The following SPNS3 variants were observed in gnomAD, a reference collection of about 807,000 sequenced individuals.
SPNS3 encodes protein spinster homolog 3.
A neutral mutation model predicts 54.4 loss-of-function variants in SPNS3; 51 were observed. The ratio of observed to expected loss-of-function variants is 0.94; its 90% CI spans 0.75 to 1.18. The LOEUF (loss-of-function observed/expected upper bound fraction) is 1.18, where lower values mean the gene tolerates loss of function less well. SPNS3 is among the 50% of genes most tolerant of loss of function. The pLI is 0.00. For missense variants in SPNS3, 669 were observed against 677.4 expected (o/e 0.99, Z 0.14); for synonymous variants, 309 against 294.7 (o/e 1.05, Z -0.50).
At chr17:4,458,603 TTC>T (rs767242965) in intron 8 of SPNS3, among the ~76,000 whole-genome samples, 23 of 101,390 alleles carry the variant, frequency 2.3e-4, no homozygotes, top group Admixed American at 9.5e-4. Flanking sequence ...CTTTCTTTCT[TTC>T]TTTCTTTCTT....
chr17:4,442,928 T>C (rs1284881510), intron 2 of SPNS3, among the ~76,000 whole-genome samples: 2 of 152,162 alleles, frequency 1.3e-5, no homozygotes, highest in Admixed American at 6.6e-5. Context: ...ACCTTGGGAA[T>C]GAGGAGTGTC....
chr17:4,463,790 A>T (rs181280359), intron 8 of SPNS3, among the ~76,000 whole-genome samples: 47 of 151,880 alleles, frequency 3.1e-4, no homozygotes, highest in African/African-American at 5.1e-4. Context: ...TTTAGCATGA[A>T]CATGCTAAAT....
Position 4,477,970 on chromosome 17 carries a change from CTT to C in SPNS3, c.1114-584_1114-583del, listed in dbSNP as rs397837193. ...AAAGTCTGTTTTTTTTTCACTTTTC[CTT>C]TTTTTTTTTTTTTTTTTGAGGCGGA... On this transcript the variant is annotated intron_variant, in intron 8 of 11. Transcript: ENST00000355530. 9.4e-4 allele frequency among the ~76,000 whole-genome samples: 92 copies of C among 97,596 alleles called. 1 individual carries two copies. The South Asian group carries it at 9.8e-3, about 10-fold the overall frequency. The allele number at this position is 97,596 out of a possible 152,430, so 64.0% of individuals were successfully genotyped here. A position where few individuals can be genotyped will look rare whatever the true frequency, so the allele number is the denominator to read the frequency against.
intron 1 of SPNS3, among the ~76,000 whole-genome samples, chr17:4,434,381 T>C (rs1372586314): frequency 1.3e-5 from 2 of 152,204 alleles, no homozygotes; most frequent in Admixed American, 6.5e-5. Context: ...GGACACAGGC[T>C]GGGCATGGTG....
intron 8 of SPNS3, among the ~76,000 whole-genome samples, chr17:4,459,882 T>C (rs1971449380): frequency 6.6e-6 from 1 of 152,094 alleles, no homozygotes; most frequent in Non-Finnish European, 1.5e-5. Flanking sequence ...CAGATAATAA[T>C]AAAGGCTTAG....
At chr17:4,447,370 C>G (rs1994980) in intron 5 of SPNS3, among the ~76,000 whole-genome samples, 132,594 of 152,300 alleles carry the variant, frequency 0.87, 59,036 homozygotes, top group African/African-American at 0.94. Flanking sequence ...CTCAGCAGTT[C>G]AGCAGAATGC....
At chr17:4,456,499 G>A (rs1490877448) in intron 8 of SPNS3, among the ~76,000 whole-genome samples, 1 of 152,048 alleles carries the variant, frequency 6.6e-6, no homozygotes, top group Admixed American at 6.6e-5. Flanking sequence ...ACACTTTTGT[G>A]GGGAAGGTTT....
intron 8 of SPNS3, among the ~76,000 whole-genome samples, chr17:4,455,901 C>T (rs1182587554): frequency 8.6e-6 from 1 of 115,926 alleles, no homozygotes; most frequent in Non-Finnish European, 2.0e-5. Context: ...TCCTTCCTGG[C>T]AAGCACTGCC....
chr17:4,485,678 G>C (rs1178364169), intron 9 of SPNS3, among the ~76,000 whole-genome samples: 2 of 152,146 alleles, frequency 1.3e-5, no homozygotes, highest in Non-Finnish European at 2.9e-5. Context: ...TTACAGACGT[G>C]AGCCACCGCG....
chr17:4,435,897 A>G (rs1316551945), intron 1 of SPNS3, among the ~76,000 whole-genome samples: 2 of 152,112 alleles, frequency 1.3e-5, no homozygotes, highest in East Asian at 1.9e-4. Flanking sequence ...GTGCCACTGC[A>G]CTCCAGCCTG....
rs976845835 is a variant in SPNS3, at chr17:4,486,849, G to A, written c.1450+266G>A. Among the ~76,000 whole-genome samples the A allele has an allele frequency of 2.6e-5, 4 of 152,090 alleles. No individual in the cohort carries two copies. Among genetic ancestry groups the A allele is most frequent in the African/African-American group, 4.8e-5 (2 of 41,396 alleles). On this transcript the variant is annotated intron_variant, in intron 11 of 11. Transcript: ENST00000355530. This position sits in a 1 kb window ranked among gnomAD's most constrained non-coding sequence, Gnocchi z 5.5. ...AAAGATATAGCATGTTCAGGGTGAC[G>A]AGTGCTATGGAGAGGTATAAAGCAG...
At chr17:4,468,762 T>TTTCTTTCTTTCC (rs57204066) in intron 8 of SPNS3, among the ~76,000 whole-genome samples, 1 of 121,560 alleles carries the variant, frequency 8.2e-6, no homozygotes, top group Non-Finnish European at 1.8e-5. Flanking sequence ...TCTTTCTTTC[T>TTTCTTTCTTTCC]CTCTTTCTTT....
intron 7 of SPNS3, 106 bp downstream of exon 7, chr17:4,449,493 T>C: frequency 7.5e-7 from 1 of 1,334,856 alleles, no homozygotes; most frequent in Non-Finnish European, 9.9e-7. Context: ...GGTGGGGCAT[T>C]TGGTGCTGTG....
At chr17:4,474,787 T>A (rs7214170) in intron 8 of SPNS3, among the ~76,000 whole-genome samples, 91,321 of 151,972 alleles carry the variant, frequency 0.6, 27,590 homozygotes, top group South Asian at 0.67. Context: ...CCAGGCTGTT[T>A]TTCGGCAAGT....
intron 2 of SPNS3, among the ~76,000 whole-genome samples, chr17:4,442,018 T>TGTGTGTGTGTGTGTGTGTGTGTGTGTGTG (rs1555528914): frequency 2.4e-5 from 1 of 42,250 alleles, no homozygotes; most frequent in African/African-American, 1.0e-4. Flanking sequence ...GTGTGTGTGT[T>TGTGTGTGTGTGTGTGTGTGTGTGTGTGTG]TGGCAGTAGG....
Position 4,486,523 on chromosome 17 carries a change from T to G in SPNS3, c.1390T>G (p.Phe464Val). Residue 464 changes from phenylalanine to valine, a missense_variant, in exon 11 of 12, where the codon TTC becomes GTC. Transcript: ENST00000355530. This position sits in a 1 kb window ranked among gnomAD's most constrained non-coding sequence, Gnocchi z 5.5. ...TGTCATCGCCCTGGGGGGCGGCTGC[T>G]TCCTGCTGACTGCGCTGTACCTGGA... ...AFVIALGGGCFLLTALYLERD... is the reference protein window; with the variant it reads ...AFVIALGGGCVLLTALYLERD... 2 of 1,613,648 alleles carry G rather than the reference T, an allele frequency of 1.2e-6. No homozygotes were observed. Among genetic ancestry groups the G allele is most frequent in the Non-Finnish European group, 1.7e-6 (2 of 1,179,970 alleles).
chr17:4,455,916 G>GT (rs960373427), intron 8 of SPNS3, among the ~76,000 whole-genome samples: 4 of 73,438 alleles, frequency 5.4e-5, no homozygotes, highest in African/African-American at 1.0e-4. Flanking sequence ...ACTGCCCTCT[G>GT]TGGGGGGGGG....
chr17:4,446,348 C>T (rs1337482530), intron 4 of SPNS3, 149 bp downstream of exon 4: 1 of 822,368 alleles, frequency 1.2e-6, no homozygotes, highest in Non-Finnish European at 1.9e-6. Flanking sequence ...TGTGAGTCTA[C>T]CTCTCCTAGC....
intron 1 of SPNS3, among the ~76,000 whole-genome samples, chr17:4,438,070 A>G (rs1168013924): frequency 3.9e-5 from 6 of 152,210 alleles, no homozygotes; most frequent in Non-Finnish European, 8.8e-5. Context: ...TACAGGCGTG[A>G]GCCACCACGT....
Sources: allele counts gnomAD v4.1 joint callset (sites outside exome capture counted in the v4.1 genomes callset), GRCh38; gene constraint gnomAD v4.1.1; non-coding constraint Gnocchi (gnomAD v3.1); transcripts MANE v1.5; gene names NCBI Gene and HGNC (gene_info 2026-07-23, HGNC 2026-07-21).